Variants in USH2A observed in about 807,000 individuals in gnomAD.
USH2A encodes usherin.
USH2A carries 443 observed loss-of-function variants against 538.9 expected under a neutral mutation model. The observed-to-expected ratio is 0.82, with a 90% CI of 0.76 to 0.89. USH2A has a LOEUF of 0.89. Ranked by LOEUF, USH2A falls within the 40% of genes least tolerant of loss-of-function variation. The pLI is 0.00. For missense variants in USH2A, 6,633 were observed against 6,324.8 expected (o/e 1.05, Z -1.65); for synonymous variants, 2,413 against 2,273.5 (o/e 1.06, Z -1.75).
intron 9 of USH2A, among the ~76,000 whole-genome samples, chr1:216,294,628 A>G (rs985143941): frequency 6.6e-6 from 1 of 151,906 alleles, no homozygotes. Context: ...AAAGAGTATA[A>G]ACATTTTAAA....
intron 9 of USH2A, among the ~76,000 whole-genome samples, 162 bp from the exon 10 acceptor site, chr1:216,292,532 T>C (rs2037022515): frequency 6.6e-6 from 1 of 152,172 alleles, no homozygotes; most frequent in South Asian, 2.1e-4. Flanking sequence ...AAATAGCATA[T>C]TTACGGGCAT....
At chr1:215,633,982 C>A (rs2102630080) in intron 70 of USH2A, among the ~76,000 whole-genome samples, 1 of 152,282 alleles carries the variant, frequency 6.6e-6, no homozygotes, top group East Asian at 1.9e-4. Flanking sequence ...CCGAGCACCA[C>A]TAGCACTGTA....
chr1:216,416,255 A>G (rs1026116011), intron 3 of USH2A, among the ~76,000 whole-genome samples: 13 of 152,152 alleles, frequency 8.5e-5, no homozygotes, highest in African/African-American at 2.2e-4. Context: ...AACCTTATAT[A>G]GAGCTCCATT....
At chr1:215,954,562 T>C (rs1484221264) in intron 37 of USH2A, among the ~76,000 whole-genome samples, 3 of 85,480 alleles carry the variant, frequency 3.5e-5, no homozygotes, top group Non-Finnish European at 6.4e-5. Context: ...TGGGGCCTGT[T>C]GTGGGGTGGG....
intron 4 of USH2A, among the ~76,000 whole-genome samples, chr1:216,358,172 A>G (rs976735805): frequency 3.9e-5 from 6 of 152,166 alleles, no homozygotes; most frequent in African/African-American, 1.4e-4. Context: ...GATAAGACTC[A>G]AAGAAAAAGC....
At chr1:216,245,064 AC>A (rs1016787226) in intron 13 of USH2A, among the ~76,000 whole-genome samples, 4 of 152,314 alleles carry the variant, frequency 2.6e-5, no homozygotes, top group African/African-American at 4.8e-5. Context: ...AGAGAAAAAA[AC>A]ATCTCATCTT....
intron 35 of USH2A, among the ~76,000 whole-genome samples, chr1:215,974,674 G>GT (rs889068701): frequency 5.9e-5 from 9 of 152,108 alleles, no homozygotes; most frequent in African/African-American, 2.2e-4. Context: ...TGATTTCAGG[G>GT]TTTTTTCTGT....
intron 21 of USH2A, among the ~76,000 whole-genome samples, chr1:216,146,169 C>T (rs1002621477): frequency 6.6e-6 from 1 of 152,194 alleles, no homozygotes; most frequent in African/African-American, 2.4e-5. Context: ...GACCGACCAG[C>T]CCAAGAAACA....
At chr1:215,827,526 A>G (rs914175613) in intron 47 of USH2A, among the ~76,000 whole-genome samples, 1 of 152,160 alleles carries the variant, frequency 6.6e-6, no homozygotes, top group Non-Finnish European at 1.5e-5. Flanking sequence ...TACATTCTAT[A>G]TTCTGACACT....
chr1:216,112,197 C>T (rs1213400994), intron 21 of USH2A, among the ~76,000 whole-genome samples: 2 of 152,120 alleles, frequency 1.3e-5, no homozygotes, highest in East Asian at 3.9e-4. Flanking sequence ...CCAAACATTC[C>T]TTAGAATACC....
At position 216,232,043 on chromosome 1, in the gene USH2A, C is replaced by G. The variant is rs1348183693; in HGVS notation, c.2903G>C (p.Gly968Ala). 5 of 1,614,048 alleles carry G rather than the reference C, an allele frequency of 3.1e-6. No individual in the cohort carries two copies. The highest frequency in any genetic ancestry group is 4.2e-6 in the Non-Finnish European group (5 of 1,179,940). ...AVNHICNSLTGQCVCQDASIA... is the reference protein window; with the variant it reads ...AVNHICNSLTAQCVCQDASIA... The stretch of plus-strand genomic sequence containing the variant: ...GGAAGCATCTTGGCAAACACACTGA[C>G]CAGTCAGGCTATTACAGATGTGATT... The change falls in exon 14 of 72, where the codon GGT becomes GCT. Residue 968 changes from glycine (G) to alanine (A), a missense_variant. Gly to Ala is a moderately conservative substitution (Grantham distance 60). Transcript: ENST00000307340.
intron 50 of USH2A, among the ~76,000 whole-genome samples, chr1:215,795,395 C>T (rs1255881416): frequency 6.6e-6 from 1 of 152,110 alleles, no homozygotes; most frequent in African/African-American, 2.4e-5. Flanking sequence ...TGTGTATAAC[C>T]TTGTAGGCAC....
intron 32 of USH2A, among the ~76,000 whole-genome samples, chr1:216,019,494 C>T (rs954976547): frequency 6.6e-6 from 1 of 152,242 alleles, no homozygotes; most frequent in African/African-American, 2.4e-5. Context: ...GTGTTAGCTG[C>T]CTGCATGAAC....
Position 215,900,151 on chromosome 1 carries a change from A to G in USH2A, c.7518T>C (p.Tyr2506=). 3 of 1,613,782 alleles carry G rather than the reference A, an allele frequency of 1.9e-6. No individual in the cohort carries two copies. The highest frequency in any genetic ancestry group is 8.5e-7 in the Non-Finnish European group (1 of 1,179,782). Reference sequence around the variant, plus strand: ...CATTGGAGGCAACCAACCGAAACATATACTCTGTGTACGGTTGGAGATCAC... The same window carrying G: ...CATTGGAGGCAACCAACCGAAACATGTACTCTGTGTACGGTTGGAGATCAC... ...EVSDLQPYTE[Y]MFRLVASNGF... Residue 2506 remains tyrosine (Y), a synonymous_variant, in exon 40 of 72, where the codon TAT becomes TAC. Coordinates refer to ENST00000307340, the MANE Select transcript of USH2A (RefSeq NM_206933.4).
chr1:216,373,900 A>G (rs1415671066), intron 3 of USH2A, among the ~76,000 whole-genome samples: 2 of 152,072 alleles, frequency 1.3e-5, no homozygotes, highest in African/African-American at 2.4e-5. Flanking sequence ...TGGCACATAT[A>G]CACCATGGAA....
chr1:216,205,484 T>C (rs1160215636), intron 16 of USH2A, among the ~76,000 whole-genome samples: 5 of 152,154 alleles, frequency 3.3e-5, no homozygotes, highest in Admixed American at 6.5e-5. Context: ...GGGGTGGACA[T>C]AAGAAACTAA....
At chr1:215,931,061 C>T (rs961856962) in intron 38 of USH2A, among the ~76,000 whole-genome samples, 12 of 151,842 alleles carry the variant, frequency 7.9e-5, no homozygotes, top group African/African-American at 2.9e-4. Context: ...AGGGAAGGAT[C>T]TGCTACATAA....
chr1:215,902,311 A>G (rs1665522291), intron 38 of USH2A, among the ~76,000 whole-genome samples: 2 of 152,196 alleles, frequency 1.3e-5, no homozygotes, highest in Admixed American at 1.3e-4. Flanking sequence ...AATGAGGCTA[A>G]TGAATGACCA....
At chr1:215,743,677 G>C (rs527692532) in intron 58 of USH2A, among the ~76,000 whole-genome samples, 1 of 150,974 alleles carries the variant, frequency 6.6e-6, no homozygotes, top group African/African-American at 2.4e-5. Context: ...GAAATTAGCC[G>C]GGCATAGTGG....
Sources: gnomAD v4.1 joint callset for allele counts (sites outside exome capture counted in the v4.1 genomes callset) on GRCh38, gnomAD v4.1.1 for gene constraint, MANE v1.5 for transcripts, NCBI Gene and HGNC (gene_info 2026-07-23, HGNC 2026-07-21) for gene names.